Variants in ACTL8 observed in about 807,000 individuals in gnomAD.
ACTL8 encodes the protein actin like 8.
Under a neutral mutation model 9.3 loss-of-function variants are expected in ACTL8, and 3 were observed. The ratio of observed to expected loss-of-function variants is 0.32; its 90% CI spans 0.15 to 0.83. The LOEUF (loss-of-function observed/expected upper bound fraction) is 0.83, where lower values mean the gene tolerates loss of function less well. Ranked by LOEUF, ACTL8 falls within the 40% of genes least tolerant of loss-of-function variation. ACTL8 has a pLI of 0.57. For synonymous variants in ACTL8, 224 were observed against 205.9 expected, an observed-to-expected ratio of 1.09 and a Z score of -0.75; for missense variants, 381 against 492.2, an observed-to-expected ratio of 0.77 and a Z score of 2.14.
Position 17,773,644 on chromosome 1 carries a change from C to T in ACTL8, c.-25+18140C>T, listed in dbSNP as rs114058447. Among the ~76,000 whole-genome samples, 990 of 152,196 alleles carry T rather than the reference C, an allele frequency of 6.5e-3. 10 individuals are homozygous for T. The highest frequency in any genetic ancestry group is 0.023 in the African/African-American group (937 of 41,524). On this transcript the variant is annotated intron_variant, in intron 1 of 2. Transcript: ENST00000375406. ...GCAATTTAGCCTGATGAAGAGGAGG[C>T]GGGGCTGCAAGGCTCACATTTCTGC...
In ACTL8 at chr1:17,784,900, G is replaced by C. The variant is rs377235335; in HGVS notation, c.-25+29396G>C. 5.9e-5 allele frequency among the ~76,000 whole-genome samples: 9 copies of C among 152,372 alleles called. No individual in the cohort carries two copies. The East Asian group carries it at 7.7e-4, about 13-fold the overall frequency. ...AGAAAGAAGTTGAATTGGACTTACAGTTCCATGTGGCTGGGGAAGCCTCAC... is the reference window on the plus strand; with the variant it reads ...AGAAAGAAGTTGAATTGGACTTACACTTCCATGTGGCTGGGGAAGCCTCAC... On this transcript the variant is annotated intron_variant, in intron 1 of 2. Transcript: ENST00000375406.
intron 1 of ACTL8, among the ~76,000 whole-genome samples, chr1:17,798,063 C>T (rs978874270): frequency 6.6e-6 from 1 of 152,168 alleles, no homozygotes; most frequent in Admixed American, 6.5e-5. Context: ...GTTACCTCCA[C>T]CACATCTTCA....
chr1:17,809,072 A>G (rs758450270), intron 1 of ACTL8, among the ~76,000 whole-genome samples: 1 of 152,206 alleles, frequency 6.6e-6, no homozygotes, highest in Non-Finnish European at 1.5e-5. Flanking sequence ...TGCCGCCAGC[A>G]AACCAATGTA....
Position 17,825,796 on chromosome 1 carries a change from G to T in ACTL8, c.378G>T (p.Ser126=), listed in dbSNP as rs766162420. ...TGTTTGAGTTGCTGCATGTCCCATC[G>T]GTCCTCCTGGCCGACCAGCTGCAGA... ...EILFELLHVP[S]VLLADQLQMS... The change falls in exon 3 of 3, where the codon TCG becomes TCT. Residue 126 remains serine, a synonymous_variant. Coordinates refer to ENST00000375406, the MANE Select transcript of ACTL8 (RefSeq NM_030812.3). 3.7e-6 allele frequency: 6 copies of T among 1,613,748 alleles called. No individual in the cohort carries two copies. The East Asian group carries it at 1.1e-4, about 30-fold the overall frequency.
At chr1:17,802,022 C>T (rs185024400) in intron 1 of ACTL8, among the ~76,000 whole-genome samples, 4 of 152,236 alleles carry the variant, frequency 2.6e-5, no homozygotes, top group Admixed American at 1.3e-4. Context: ...GCTGCTAATT[C>T]GTATACCTCT....
At chr1:17,784,491 A>G (rs1266573124) in intron 1 of ACTL8, among the ~76,000 whole-genome samples, 2 of 152,230 alleles carry the variant, frequency 1.3e-5, no homozygotes, top group Non-Finnish European at 2.9e-5. Flanking sequence ...GTGAAGAACA[A>G]GTACCATATG....
At chr1:17,760,498 A>C (rs547638953) in intron 1 of ACTL8, among the ~76,000 whole-genome samples, 14 of 152,332 alleles carry the variant, frequency 9.2e-5, no homozygotes, top group African/African-American at 3.1e-4. Context: ...GCAGATGCAC[A>C]GTGGTTGCAG....
At chr1:17,818,900 C>T (rs1265465116) in intron 1 of ACTL8, among the ~76,000 whole-genome samples, 1 of 152,200 alleles carries the variant, frequency 6.6e-6, no homozygotes, top group African/African-American at 2.4e-5. Flanking sequence ...GGTTTTATAC[C>T]TAGGTAGATG....
chr1:17,781,917 A>T (rs920073187), intron 1 of ACTL8, among the ~76,000 whole-genome samples: 3 of 152,186 alleles, frequency 2.0e-5, no homozygotes, highest in African/African-American at 7.2e-5. Flanking sequence ...AAACACAGAA[A>T]GAAGGGGAAT....
At position 17,773,346 on chromosome 1, in the gene ACTL8, C is replaced by G. The variant is rs76625526; in HGVS notation, c.-25+17842C>G. ...GCTGTGCCTTGCTCTGTGAGCTTAG[C>G]CAAGCTGTCTCACCTCTGTGGTCCC... On this transcript the variant is annotated intron_variant, in intron 1 of 2. Coordinates refer to ENST00000375406, the MANE Select transcript of ACTL8 (RefSeq NM_030812.3). Among the ~76,000 whole-genome samples, 1,318 of 152,304 alleles carry G rather than the reference C, an allele frequency of 8.7e-3. 17 individuals carry two copies. Among genetic ancestry groups the G allele is most frequent in the African/African-American group, 0.03 (1,243 of 41,560 alleles).
At chr1:17,819,619 C>T (rs2053633753) in intron 1 of ACTL8, among the ~76,000 whole-genome samples, 2 of 152,362 alleles carry the variant, frequency 1.3e-5, no homozygotes, top group South Asian at 4.1e-4. Context: ...ACAGGAAACA[C>T]CCACATACAG....
intron 1 of ACTL8, among the ~76,000 whole-genome samples, chr1:17,805,405 A>G (rs1397997590): frequency 2.1e-4 from 8 of 37,512 alleles, no homozygotes; most frequent in South Asian, 8.4e-4. Flanking sequence ...TTTTTTTTTG[A>G]GATTAAGTCT....
rs543705314 is a variant in ACTL8 at position 17,785,284 on chromosome 1, G to A, written c.-25+29780G>A. Among the ~76,000 whole-genome samples the A allele has an allele frequency of 4.6e-5, 7 of 152,298 alleles. No individual in the cohort carries two copies. In the South Asian group the frequency reaches 1.2e-3, roughly 27 times the overall value. On this transcript the variant is annotated intron_variant, in intron 1 of 2. Coordinates refer to ENST00000375406, the MANE Select transcript of ACTL8 (RefSeq NM_030812.3). ...TGGAAGTAAGACCTGTTCTTGGTGG[G>A]CCTATGGGGCCCACTTCAGTGTCTG...
chr1:17,761,807 G>A (rs927405235), intron 1 of ACTL8, among the ~76,000 whole-genome samples: 8 of 152,108 alleles, frequency 5.3e-5, no homozygotes, highest in Non-Finnish European at 8.8e-5. Context: ...CCGACCTCAG[G>A]TGGTCCGCCC....
At chr1:17,764,906 C>T (rs2066033235) in intron 1 of ACTL8, among the ~76,000 whole-genome samples, 1 of 152,144 alleles carries the variant, frequency 6.6e-6, no homozygotes, top group African/African-American at 2.4e-5. Flanking sequence ...CCTAGTGGCT[C>T]AAGATGGCAC....
chr1:17,800,295 G>A (rs558006622), intron 1 of ACTL8, among the ~76,000 whole-genome samples: 26 of 152,220 alleles, frequency 1.7e-4, no homozygotes, highest in African/African-American at 5.1e-4. Context: ...ATATGTTTTC[G>A]TTGATAATAT....
chr1:17,773,084 TCCTC>T (rs2066095007), intron 1 of ACTL8, among the ~76,000 whole-genome samples: 3 of 152,226 alleles, frequency 2.0e-5, no homozygotes, highest in African/African-American at 7.2e-5. Context: ...GTCGACGTAA[TCCTC>T]CGAAGCCCCT....
At chr1:17,775,769 G>C (rs2066114664) in intron 1 of ACTL8, among the ~76,000 whole-genome samples, 1 of 152,168 alleles carries the variant, frequency 6.6e-6, no homozygotes, top group East Asian at 1.9e-4. Context: ...GGGGCTCCTT[G>C]AGGCCTCTCC....
chr1:17,807,931 G>A (rs939440629), intron 1 of ACTL8, among the ~76,000 whole-genome samples: 60 of 152,090 alleles, frequency 3.9e-4, no homozygotes, highest in African/African-American at 1.1e-3. Flanking sequence ...ACCATGGCAC[G>A]TGTATACCTG....
Sources: gnomAD v4.1 joint callset for allele counts (sites outside exome capture counted in the v4.1 genomes callset) on GRCh38, gnomAD v4.1.1 for gene constraint, MANE v1.5 for transcripts, NCBI Gene and HGNC (gene_info 2026-07-23, HGNC 2026-07-21) for gene names.